PRKN: variants seen among roughly 807,000 people sequenced by gnomAD.
PRKN encodes parkin RBR E3 ubiquitin protein ligase.
PRKN carries 56 observed loss-of-function variants against 59.5 expected under a neutral mutation model. The ratio of observed to expected loss-of-function variants is 0.94; its 90% CI spans 0.76 to 1.18. The LOEUF is 1.18. Among genes scored for constraint, PRKN ranks in the 50% most tolerant of loss-of-function variants. PRKN has a pLI of 0.00. For synonymous variants in PRKN, 250 were observed against 222.1 expected (o/e 1.13, Z -1.12); for missense variants, 657 against 596.4 (o/e 1.10, Z -1.06).
At chr6:162,166,292 G>A (rs1782986842) in intron 4 of PRKN, among the ~76,000 whole-genome samples, 1 of 152,066 alleles carries the variant, frequency 6.6e-6, no homozygotes, top group African/African-American at 2.4e-5. Context: ...CCTTACACCA[G>A]AGTAGAGACC....
chr6:161,867,740 C>CATTCATTCATTTATTT (rs377654828), intron 6 of PRKN, among the ~76,000 whole-genome samples: 4 of 137,536 alleles, frequency 2.9e-5, no homozygotes, highest in African/African-American at 8.8e-5. Context: ...AAAAATCTTT[C>CATTCATTCATTTATTT]ATTTATTTAT....
intron 3 of PRKN, among the ~76,000 whole-genome samples, chr6:162,261,293 C>T (rs1290752298): frequency 6.6e-6 from 1 of 152,106 alleles, no homozygotes; most frequent in Non-Finnish European, 1.5e-5. Flanking sequence ...AGAGCTTTTC[C>T]TGTGTCTACT....
chr6:162,040,473 T>C (rs1206006898), intron 5 of PRKN, among the ~76,000 whole-genome samples: 6 of 151,756 alleles, frequency 4.0e-5, no homozygotes, highest in South Asian at 2.1e-4. Context: ...TGGCACGGTC[T>C]TGGCTCACTG....
At chr6:162,677,734 T>C (rs1373289279) in intron 1 of PRKN, among the ~76,000 whole-genome samples, 1 of 152,134 alleles carries the variant, frequency 6.6e-6, no homozygotes, top group Non-Finnish European at 1.5e-5. Flanking sequence ...ACTCAGGAGG[T>C]GTTGGCTAGC....
chr6:162,579,487 C>T (rs1277097472), intron 1 of PRKN, among the ~76,000 whole-genome samples: 1 of 151,644 alleles, frequency 6.6e-6, no homozygotes, highest in Non-Finnish European at 1.5e-5. Flanking sequence ...CAGACTCACA[C>T]AGATTTACAC....
intron 9 of PRKN, among the ~76,000 whole-genome samples, chr6:161,528,593 A>G (rs968206650): frequency 6.6e-6 from 1 of 152,200 alleles, no homozygotes; most frequent in Non-Finnish European, 1.5e-5. Context: ...GCCCCCTCAT[A>G]TAACACGCAA....
intron 8 of PRKN, among the ~76,000 whole-genome samples, chr6:161,559,692 T>C (rs997920847): frequency 2.6e-5 from 4 of 152,314 alleles, no homozygotes; most frequent in Admixed American, 2.0e-4. Flanking sequence ...GCAACTGCGA[T>C]GGTTTCTAGG....
intron 7 of PRKN, among the ~76,000 whole-genome samples, chr6:161,679,878 C>T (rs185560320): frequency 2.0e-5 from 3 of 151,740 alleles, no homozygotes; most frequent in Admixed American, 6.6e-5. Context: ...CCTCAGCCCC[C>T]CCAGGAGCTG....
chr6:162,287,914 A>G (rs895323468), intron 2 of PRKN, among the ~76,000 whole-genome samples: 5 of 152,282 alleles, frequency 3.3e-5, no homozygotes, highest in African/African-American at 1.2e-4. Flanking sequence ...CTAACCCAGC[A>G]GCAGATGGAA....
chr6:161,422,542 TC>T (rs1415447351), intron 9 of PRKN, among the ~76,000 whole-genome samples: 2 of 152,134 alleles, frequency 1.3e-5, no homozygotes, highest in Non-Finnish European at 2.9e-5. Context: ...TTTACACCTA[TC>T]TCCTCTCTTT....
intron 6 of PRKN, among the ~76,000 whole-genome samples, chr6:161,919,081 C>T (rs1024586548): frequency 5.3e-5 from 8 of 152,184 alleles, no homozygotes; most frequent in South Asian, 2.1e-4. Context: ...AAGAGTTTTA[C>T]GCCATGTTCA....
chr6:162,196,158 A>C (rs930617306), intron 4 of PRKN, among the ~76,000 whole-genome samples: 2 of 152,196 alleles, frequency 1.3e-5, no homozygotes, highest in African/African-American at 4.8e-5. Context: ...GATCAGAAAG[A>C]GTACTGTTAG....
At chr6:162,345,862 G>A (rs1330078527) in intron 2 of PRKN, among the ~76,000 whole-genome samples, 1 of 152,038 alleles carries the variant, frequency 6.6e-6, no homozygotes, top group Non-Finnish European at 1.5e-5. Flanking sequence ...TTCATATGTT[G>A]GAAACTTAAT....
chr6:162,111,169 T>C (rs973043936), intron 4 of PRKN, among the ~76,000 whole-genome samples: 1 of 152,106 alleles, frequency 6.6e-6, no homozygotes, highest in African/African-American at 2.4e-5. Context: ...ACTTTGCATT[T>C]AAGAGATGCA....
chr6:161,393,712 G>A lies in PRKN; in HGVS notation c.1084-6835C>T, dbSNP rs1786618053. ...GTTGAGAGCCAGTAGGTACCTACAAGCAATGACCCTTAAAATAAGGCTTGA... is the reference window on the plus strand; with the variant it reads ...GTTGAGAGCCAGTAGGTACCTACAAACAATGACCCTTAAAATAAGGCTTGA... On this transcript the variant is annotated intron_variant, in intron 9 of 11. Coordinates refer to ENST00000366898, the MANE Select transcript of PRKN (RefSeq NM_004562.3). This position sits in a 1 kb window ranked among gnomAD's most constrained non-coding sequence, Gnocchi z 4.7. Among the ~76,000 whole-genome samples, 2 of 150,436 alleles carry A rather than the reference G, an allele frequency of 1.3e-5. No individual in the cohort carries two copies. The highest frequency in any genetic ancestry group is 3.0e-5 in the Non-Finnish European group (2 of 67,648).
At chr6:161,756,045 AAAT>A (rs1199205625) in intron 7 of PRKN, among the ~76,000 whole-genome samples, 6 of 152,224 alleles carry the variant, frequency 3.9e-5, no homozygotes, top group African/African-American at 1.2e-4. Context: ...AAGTAATAAA[AAAT>A]AATGAGTCCG....
At chr6:161,906,853 A>G (rs1170723764) in intron 6 of PRKN, among the ~76,000 whole-genome samples, 6 of 151,876 alleles carry the variant, frequency 4.0e-5, no homozygotes, top group Non-Finnish European at 8.8e-5. Flanking sequence ...TCGATGCCAG[A>G]AAGTTTCCAG....
At chr6:162,190,623 T>G (rs1403767191) in intron 4 of PRKN, among the ~76,000 whole-genome samples, 1 of 152,192 alleles carries the variant, frequency 6.6e-6, no homozygotes, top group Admixed American at 6.5e-5. Context: ...TGGAAGAGCA[T>G]GCACGCATAC....
At chr6:162,681,939 C>A (rs1458969592) in intron 1 of PRKN, among the ~76,000 whole-genome samples, 1 of 151,908 alleles carries the variant, frequency 6.6e-6, no homozygotes, top group African/African-American at 2.4e-5. Context: ...TGCATTTTGT[C>A]CAATTCTTTG....
Sources: gnomAD v4.1 joint callset for allele counts (sites outside exome capture counted in the v4.1 genomes callset) on GRCh38, gnomAD v4.1.1 for gene constraint, Gnocchi (gnomAD v3.1) non-coding constraint, MANE v1.5 for transcripts, NCBI Gene and HGNC (gene_info 2026-07-23, HGNC 2026-07-21) for gene names.